ZSCAN5A: variants seen among roughly 807,000 people sequenced by gnomAD.
ZSCAN5A encodes the protein zinc finger and SCAN domain-containing protein 5A.
In ZSCAN5A, 12 loss-of-function variants were observed where a neutral mutation model predicts 23.7. That is an observed-to-expected ratio of 0.51 (90% CI 0.32 to 0.82). The LOEUF (loss-of-function observed/expected upper bound fraction) is 0.82. ZSCAN5A is among the 40% of genes least tolerant of loss of function. The pLI is 0.03. For synonymous variants in ZSCAN5A, 257 were observed against 239.9 expected (o/e 1.07, Z -0.66); for missense variants, 597 against 617.9 (o/e 0.97, Z 0.36).
chr19:56,328,757 T>C (rs1202706399), intron 2 of ZSCAN5A, among the ~76,000 whole-genome samples: 2 of 151,348 alleles, frequency 1.3e-5, no homozygotes, highest in Non-Finnish European at 2.9e-5. Context: ...ATCCCAGCAC[T>C]TTGGGAGGCC....
At position 56,222,210 on chromosome 19, in the gene ZSCAN5A, C is replaced by A; in HGVS notation, c.856G>T (p.Gly286Trp). 6.2e-7 allele frequency: 1 copy of A among 1,613,922 alleles called. No individual in the cohort carries two copies. Among genetic ancestry groups the A allele is most frequent in the Non-Finnish European group, 8.5e-7 (1 of 1,179,908 alleles). ...VVEREASTHS[G>W]NRGDALNLSS... ...AGATTCAGAGCGTCTCCTCTGTTCC[C>A]GCTGTGAGTCGAAGCTTCTCTCTCC... Residue 286 changes from glycine (G) to tryptophan (W), a missense_variant, in exon 6 of 6, where the codon GGG becomes TGG. By Grantham distance (184) the Gly-to-Trp change is radical (BLOSUM62 -2). Around this residue, in one of 5 missense-constraint regions of ZSCAN5A, gnomAD observed 406 missense variants for 353.2 expected, o/e 1.15. Transcript: ENST00000683990.
At chr19:56,299,610 C>T (rs1485934788) in intron 2 of ZSCAN5A, among the ~76,000 whole-genome samples, 3 of 152,184 alleles carry the variant, frequency 2.0e-5, no homozygotes, top group African/African-American at 4.8e-5. Flanking sequence ...TAGCAAAATT[C>T]CTTGATGTTC....
intron 1 of ZSCAN5A, chr19:56,368,080 C>G (rs1487181019): frequency 1.3e-5 from 2 of 152,404 alleles, no homozygotes; most frequent in African/African-American, 4.8e-5. Flanking sequence ...GCAGCGTTCT[C>G]AACACCGCCA....
At chr19:56,313,236 A>G (rs1229865697) in intron 2 of ZSCAN5A, 47 bp downstream of exon 2, 2 of 344,810 alleles carry the variant, frequency 5.8e-6, no homozygotes, top group East Asian at 1.2e-4. Flanking sequence ...TGATAAAGAC[A>G]TATCCAAGAC....
At chr19:56,333,314 CTT>C (rs2041505972) in intron 2 of ZSCAN5A, among the ~76,000 whole-genome samples, 1 of 151,446 alleles carries the variant, frequency 6.6e-6, no homozygotes, top group African/African-American at 2.4e-5. Context: ...AGTTTGGTCA[CTT>C]TATATAATCC....
chr19:56,259,839 T>C (rs1435134858), intron 2 of ZSCAN5A, among the ~76,000 whole-genome samples: 1 of 152,202 alleles, frequency 6.6e-6, no homozygotes, highest in Non-Finnish European at 1.5e-5. Context: ...CTGGGCATGG[T>C]GGCACTTGAC....
Position 56,221,969 on chromosome 19 carries a change from G to A in ZSCAN5A, c.1097C>T (p.Thr366Met), listed in dbSNP as rs1200016620. Residue 366 changes from threonine (T) to methionine (M), a missense_variant, in exon 6 of 6, where the codon ACG becomes ATG. Thr to Met is a moderately conservative substitution (Grantham distance 81, BLOSUM62 -1). This residue lies in a region of ZSCAN5A where 406 missense variants were observed against 353.2 expected (regional missense o/e 1.15). Transcript: ENST00000683990. ...GTGGATGACTAGCTTGGAATTACACGTAAACCTCTTCTCGCACACGTCACA... is the reference window on the plus strand; with the variant it reads ...GTGGATGACTAGCTTGGAATTACACATAAACCTCTTCTCGCACACGTCACA... The part of the protein sequence containing the change: ...FACDVCEKRF[T>M]CNSKLVIHKR... 3.1e-6 allele frequency: 5 copies of A among 1,613,824 alleles called. No homozygotes were observed. The highest frequency in any genetic ancestry group is 1.3e-5 in the African/African-American group (1 of 74,714).
intron 2 of ZSCAN5A, among the ~76,000 whole-genome samples, chr19:56,274,206 C>T (rs1026097014): frequency 5.9e-5 from 9 of 152,156 alleles, no homozygotes; most frequent in African/African-American, 2.2e-4. Context: ...GTAATCCCAG[C>T]ACTTTGGGAA....
chr19:56,333,935 A>C (rs1219604424), intron 2 of ZSCAN5A, among the ~76,000 whole-genome samples: 1 of 152,180 alleles, frequency 6.6e-6, no homozygotes, highest in Non-Finnish European at 1.5e-5. Context: ...CCAGATGAGA[A>C]GAAGCCATTG....
Position 56,222,277 on chromosome 19 carries a change from A to G in ZSCAN5A, c.789T>C (p.Ser263=), listed in dbSNP as rs781053046. 30 of 1,613,402 alleles carry G rather than the reference A, an allele frequency of 1.9e-5. No individual in the cohort carries two copies. Among genetic ancestry groups the G allele is most frequent in the Non-Finnish European group, 2.2e-5 (26 of 1,179,874 alleles). The change falls in exon 6 of 6, where the codon TCT becomes TCC. Residue 263 remains serine (S), a synonymous_variant. Transcript: ENST00000683990. ...KEGKDPPKIA[S]VENVDADTPS... Reference sequence around the variant, plus strand: ...GTGTGTCAGCATCCACATTTTCCACAGAGGCTATTTTTGGGGGGTCCTTCC... The same window carrying G: ...GTGTGTCAGCATCCACATTTTCCACGGAGGCTATTTTTGGGGGGTCCTTCC...
intron 3 of ZSCAN5A, 65 bp from the exon 4 acceptor site, chr19:56,223,899 G>A: frequency 7.0e-7 from 1 of 1,418,614 alleles, no homozygotes; most frequent in East Asian, 2.3e-5. Flanking sequence ...CATATTCCCT[G>A]GGTCCTGCCA....
chr19:56,302,010 C>T (rs2040266411), intron 2 of ZSCAN5A: 1 of 1,232,046 alleles, frequency 8.1e-7, no homozygotes. Flanking sequence ...AAACCACTCC[C>T]CAAGAGGAAG....
chr19:56,296,691 G>A (rs552700614), intron 2 of ZSCAN5A, among the ~76,000 whole-genome samples: 11 of 152,256 alleles, frequency 7.2e-5, no homozygotes, highest in African/African-American at 2.4e-4. Context: ...AGGCTATTAT[G>A]TCCTATGGAG....
chr19:56,346,584 T>C (rs2041634923), intron 2 of ZSCAN5A, among the ~76,000 whole-genome samples: 1 of 151,796 alleles, frequency 6.6e-6, no homozygotes, highest in African/African-American at 2.4e-5. Context: ...CAAAATAAAC[T>C]TTAGATATCA....
chr19:56,319,498 GAAAAAAAA>G (rs57164685), upstream of ZSCAN5A, among the ~76,000 whole-genome samples: 4 of 78,406 alleles, frequency 5.1e-5, no homozygotes, highest in South Asian at 4.7e-4. Context: ...TCCATCTCGG[GAAAAAAAA>G]AAAAAAAAAA....
intron 2 of ZSCAN5A, among the ~76,000 whole-genome samples, chr19:56,238,314 T>C (rs1009065176): frequency 6.6e-6 from 1 of 152,032 alleles, no homozygotes; most frequent in African/African-American, 2.4e-5. Context: ...ACTATGTGAG[T>C]TGACGAATAC....
intron 1 of ZSCAN5A, among the ~76,000 whole-genome samples, chr19:56,364,102 C>T (rs894434670): frequency 6.6e-6 from 1 of 152,304 alleles, no homozygotes; most frequent in East Asian, 1.9e-4. Context: ...GGCAATCCAT[C>T]CATCCAGTAA....
upstream of ZSCAN5A, among the ~76,000 whole-genome samples, chr19:56,318,761 A>C (rs1230163203): frequency 6.6e-6 from 1 of 152,248 alleles, no homozygotes. Flanking sequence ...AAACAGACAA[A>C]GCCAAGCCAG....
chr19:56,247,120 T>G (rs61742131), intron 2 of ZSCAN5A: 1 of 688,932 alleles, frequency 1.5e-6, no homozygotes, highest in East Asian at 2.5e-5. Flanking sequence ...CCACATGAGA[T>G]CACACACAGG....
Sources: allele counts gnomAD v4.1 joint callset (sites outside exome capture counted in the v4.1 genomes callset), GRCh38; gene constraint gnomAD v4.1.1; regional missense constraint gnomAD v4.1.1; transcripts MANE v1.5; gene names NCBI Gene and HGNC (gene_info 2026-07-23, HGNC 2026-07-21).